BCHE: variants seen among roughly 807,000 people sequenced by gnomAD.
BCHE encodes cholinesterase.
In BCHE, 48 loss-of-function variants were observed where a neutral mutation model predicts 51.3. The ratio of observed to expected loss-of-function variants is 0.94; its 90% confidence interval spans 0.74 to 1.19. BCHE has a LOEUF of 1.19. Ranked by LOEUF, BCHE falls within the 50% of genes most tolerant of loss-of-function variation. The pLI is 0.00. For synonymous variants in BCHE, 251 were observed against 238.0 expected (o/e 1.05, Z -0.50); for missense variants, 847 against 708.2 (o/e 1.20, Z -2.23).
intron 2 of BCHE, among the ~76,000 whole-genome samples, chr3:165,795,909 G>T (rs1291853927): frequency 6.6e-6 from 1 of 151,978 alleles, no homozygotes; most frequent in Non-Finnish European, 1.5e-5. Context: ...TTGGATATAG[G>T]TTTTTATGAG....
intron 3 of BCHE, among the ~76,000 whole-genome samples, chr3:165,782,410 A>G (rs1278885701): frequency 6.6e-6 from 1 of 152,124 alleles, no homozygotes. Context: ...GCAATTTGTG[A>G]AACGGTAAAT....
chr3:165,826,306 A>G (rs1022076587), intron 2 of BCHE, among the ~76,000 whole-genome samples: 2 of 152,172 alleles, frequency 1.3e-5, no homozygotes, highest in African/African-American at 4.8e-5. Flanking sequence ...AATAGCACTT[A>G]GCAGTGAATA....
At chr3:165,773,639 AT>A (rs1292248372) in intron 3 of BCHE, 133 bp from the exon 4 acceptor site, 1 of 684,164 alleles carries the variant, frequency 1.5e-6, no homozygotes, top group Non-Finnish European at 2.3e-6. Context: ...ATTCTTTATT[AT>A]TTGTTATTAG....
intron 2 of BCHE, among the ~76,000 whole-genome samples, chr3:165,805,690 TCTTTTA>T (rs1324399611): frequency 1.3e-5 from 2 of 152,156 alleles, no homozygotes; most frequent in African/African-American, 2.4e-5. Flanking sequence ...TCTTTACCAA[TCTTTTA>T]CTTTTATTTT....
At chr3:165,801,869 G>T (rs1250282664) in intron 2 of BCHE, among the ~76,000 whole-genome samples, 1 of 152,130 alleles carries the variant, frequency 6.6e-6, no homozygotes, top group Non-Finnish European at 1.5e-5. Context: ...TATACATGGT[G>T]ATTCATATCT....
At chr3:165,781,302 A>G (rs1712689263) in intron 3 of BCHE, among the ~76,000 whole-genome samples, 1 of 152,062 alleles carries the variant, frequency 6.6e-6, no homozygotes, top group Non-Finnish European at 1.5e-5. Context: ...TTGCAGCACT[A>G]TTTACAACAG....
Position 165,830,182 on chromosome 3 carries a change from A to G in BCHE, c.852T>C (p.Asn284=). Reference sequence around the variant, plus strand: ...TAAGACACTTGATTATTTCAGTCTCATTCTCTCTAGAGCAACCAGTCAATT... The same window carrying G: ...TAAGACACTTGATTATTTCAGTCTCGTTCTCTCTAGAGCAACCAGTCAATT... ...LAKLTGCSRE[N]ETEIIKCLRN... Residue 284 remains asparagine (N), a synonymous_variant, in exon 2 of 4, where the codon AAT becomes AAC. Coordinates refer to ENST00000264381, the MANE Select transcript of BCHE (RefSeq NM_000055.4). 6.2e-7 allele frequency: 1 copy of G among 1,613,948 alleles called. No homozygotes were observed. The highest frequency in any genetic ancestry group is 8.5e-7 in the Non-Finnish European group (1 of 1,179,900).
Position 165,806,498 on chromosome 3 carries a change from G to A in BCHE, c.1518-20187C>T, listed in dbSNP as rs1170362581. Reference sequence around the variant, plus strand: ...TGGTAACCTCAGTGATGGTAGGCCTGCATTTTACTCTACGATATATTCATA... The same window carrying A: ...TGGTAACCTCAGTGATGGTAGGCCTACATTTTACTCTACGATATATTCATA... On this transcript the variant is annotated intron_variant, in intron 2 of 3. Coordinates refer to ENST00000264381, the MANE Select transcript of BCHE (RefSeq NM_000055.4). 2.6e-5 allele frequency among the ~76,000 whole-genome samples: 4 copies of A among 152,212 alleles called. No individual in the cohort carries two copies. The East Asian group carries it at 7.7e-4, about 29-fold the overall frequency.
intron 2 of BCHE, among the ~76,000 whole-genome samples, chr3:165,827,359 G>A (rs947595009): frequency 2.0e-5 from 3 of 151,310 alleles, no homozygotes; most frequent in African/African-American, 7.3e-5. Flanking sequence ...TGATCTCCAT[G>A]ACATATATGT....
At chr3:165,798,275 G>T (rs372059196) in intron 2 of BCHE, among the ~76,000 whole-genome samples, 11 of 152,104 alleles carry the variant, frequency 7.2e-5, no homozygotes, top group Non-Finnish European at 1.6e-4. Flanking sequence ...GTGTGTCTGT[G>T]TGTGTGTGTG....
intron 2 of BCHE, among the ~76,000 whole-genome samples, chr3:165,788,114 G>GTTTGT (rs143708782): frequency 6.6e-6 from 1 of 151,128 alleles, no homozygotes; most frequent in Non-Finnish European, 1.5e-5. Flanking sequence ...GCCGATCTAA[G>GTTTGT]TTTGTTTTGT....
chr3:165,784,095 C>A (rs1218141784), intron 3 of BCHE, among the ~76,000 whole-genome samples: 9 of 151,872 alleles, frequency 5.9e-5, no homozygotes, highest in Non-Finnish European at 1.2e-4. Context: ...AGTAGTTATT[C>A]TTTGAAATTT....
At position 165,829,745 on chromosome 3, in the gene BCHE, G is replaced by T. The variant is rs562543522; in HGVS notation, c.1289C>A (p.Ala430Asp). The change falls in exon 2 of 4, where the codon GCC becomes GAC. Residue 430 changes from alanine (A) to aspartate (D), a missense_variant. Transcript: ENST00000264381. ...TGAGAACTTCTTGGTGAACTCCAAG[G>T]CAGGGCATATGAAATTATAATCCCC... ...VVGDYNFICP[A>D]LEFTKKFSEW... is the part of the protein sequence containing the mutation. 6 of 1,613,802 alleles carry T rather than the reference G, an allele frequency of 3.7e-6. No homozygotes were observed. The South Asian group carries it at 5.5e-5, about 15-fold the overall frequency.
chr3:165,777,188 A>G (rs1712504645), intron 3 of BCHE, among the ~76,000 whole-genome samples: 1 of 151,930 alleles, frequency 6.6e-6, no homozygotes. Context: ...TTCTTGTAGA[A>G]TTTCATGCAA....
At chr3:165,825,715 A>C (rs1390353470) in intron 2 of BCHE, among the ~76,000 whole-genome samples, 3 of 151,788 alleles carry the variant, frequency 2.0e-5, no homozygotes, top group Non-Finnish European at 4.4e-5. Context: ...ACCCCACCCC[A>C]CAACAGGCCC....
At chr3:165,824,467 T>A (rs1249564351) in intron 2 of BCHE, among the ~76,000 whole-genome samples, 1 of 151,988 alleles carries the variant, frequency 6.6e-6, no homozygotes, top group Non-Finnish European at 1.5e-5. Context: ...ACCAAAATTG[T>A]GAACTCATCC....
In BCHE at chr3:165,835,327, G is replaced by C. The variant is rs992714305; in HGVS notation, c.-9+1987C>G. Among the ~76,000 whole-genome samples the C allele has an allele frequency of 3.3e-5, 5 of 151,672 alleles. No individual in the cohort carries two copies. The South Asian group carries it at 6.2e-4, about 19-fold the overall frequency. Reference sequence around the variant, plus strand: ...TAATTTGTATAAAGAGCTATTTTTTGGGATACTTGAATATCAACCAGATTT... The same window carrying C: ...TAATTTGTATAAAGAGCTATTTTTTCGGATACTTGAATATCAACCAGATTT... On this transcript the variant is annotated intron_variant, in intron 1 of 3. Transcript: ENST00000264381.
Position 165,772,937 on chromosome 3 carries a change from G to A in BCHE, c.*445C>T, listed in dbSNP as rs1485398111. On this transcript the variant is annotated 3_prime_UTR_variant, in exon 4 of 4. Coordinates refer to ENST00000264381, the MANE Select transcript of BCHE (RefSeq NM_000055.4). ...TGTGCTTATTTTAATATCTCATATTGACATTCAATTCTTATTTTAATTAGG... is the reference window on the plus strand; with the variant it reads ...TGTGCTTATTTTAATATCTCATATTAACATTCAATTCTTATTTTAATTAGG... 6.6e-6 allele frequency: 1 copy of A among 152,432 alleles called. No individual in the cohort carries two copies. The highest frequency in any genetic ancestry group is 1.5e-5 in the Non-Finnish European group (1 of 68,388). The allele number at this position is 152,432 out of a possible 1,614,324, so 9.4% of individuals were successfully genotyped here.
chr3:165,827,458 A>C (rs929086264), intron 2 of BCHE, among the ~76,000 whole-genome samples: 2 of 151,578 alleles, frequency 1.3e-5, no homozygotes, highest in Non-Finnish European at 1.5e-5. Flanking sequence ...TAATTAAATA[A>C]TTAAGTATTA....
Sources: allele counts gnomAD v4.1 joint callset (sites outside exome capture counted in the v4.1 genomes callset), GRCh38; gene constraint gnomAD v4.1.1; transcripts MANE v1.5; gene names NCBI Gene and HGNC (gene_info 2026-07-23, HGNC 2026-07-21).